The following PRDM6 variants were observed in gnomAD, a reference collection of about 807,000 sequenced individuals.
The protein encoded by PRDM6 is PR/SET domain 6.
PRDM6 carries 25 observed loss-of-function variants against 60.8 expected under a neutral mutation model. The observed-to-expected ratio is 0.41, with a 90% CI of 0.30 to 0.57. The LOEUF is 0.57. Ranked by LOEUF, PRDM6 falls within the 20% of genes least tolerant of loss-of-function variation. The pLI, the probability that PRDM6 is intolerant of heterozygous loss-of-function variation, is 0.27. For synonymous variants in PRDM6, 407 were observed against 357.4 expected (o/e 1.14, Z -1.57); for missense variants, 839 against 821.3 (o/e 1.02, Z -0.26).
Position 123,159,649 on chromosome 5 carries a change from A to G in PRDM6, c.1153+11A>G, listed in dbSNP as rs569421737. The stretch of plus-strand genomic sequence containing the variant: ...CCCAGGATGAAAACTGTAAGAATTT[A>G]TTTTAGCTCTGAATTCACATTTCAA... On this transcript the variant is annotated intron_variant, in intron 5 of 7. Coordinates refer to ENST00000407847, the MANE Select transcript of PRDM6 (RefSeq NM_001136239.4). The G allele has an allele frequency of 1.9e-6, 3 of 1,549,978 alleles. No homozygotes were observed. The Admixed American group carries it at 5.9e-5, about 31-fold the overall frequency.
At chr5:123,177,639 C>T (rs976862044) in intron 6 of PRDM6, among the ~76,000 whole-genome samples, 1 of 152,116 alleles carries the variant, frequency 6.6e-6, no homozygotes, top group African/African-American at 2.4e-5. Flanking sequence ...TAGAAAGCTC[C>T]ATGTATAGGG....
chr5:123,094,771 A>G (rs952721285), intron 2 of PRDM6, among the ~76,000 whole-genome samples: 1 of 152,102 alleles, frequency 6.6e-6, no homozygotes, highest in South Asian at 2.1e-4. Flanking sequence ...CGCATTGTAT[A>G]TGGCAGCCTC....
At chr5:123,107,567 C>G (rs1234068755) in intron 3 of PRDM6, among the ~76,000 whole-genome samples, 1 of 152,174 alleles carries the variant, frequency 6.6e-6, no homozygotes, top group African/African-American at 2.4e-5. Flanking sequence ...ATGCTTAGTA[C>G]AAAGTAACTG....
intron 3 of PRDM6, among the ~76,000 whole-genome samples, chr5:123,102,387 A>G (rs117103265): frequency 1.3e-5 from 2 of 152,172 alleles, no homozygotes; most frequent in South Asian, 4.1e-4. Flanking sequence ...CATTTATAAT[A>G]CAATATTCCA....
chr5:123,160,381 T>C (rs1184754822), intron 5 of PRDM6, among the ~76,000 whole-genome samples: 1 of 152,250 alleles, frequency 6.6e-6, no homozygotes, highest in Non-Finnish European at 1.5e-5. Context: ...AATTAGGTTA[T>C]TCTGATATGC....
At chr5:123,093,818 A>G (rs577438202) in intron 2 of PRDM6, among the ~76,000 whole-genome samples, 22 of 152,080 alleles carry the variant, frequency 1.4e-4, no homozygotes, top group African/African-American at 7.2e-5. Context: ...TCTGAGTAGC[A>G]TCCCGGCTGT....
intron 6 of PRDM6, among the ~76,000 whole-genome samples, chr5:123,177,753 T>C (rs915475442): frequency 1.3e-5 from 2 of 152,156 alleles, no homozygotes; most frequent in African/African-American, 4.8e-5. Context: ...CATTTGTCAA[T>C]TACCTGAAAA....
At chr5:123,112,112 T>G (rs960444788) in intron 3 of PRDM6, among the ~76,000 whole-genome samples, 9 of 151,816 alleles carry the variant, frequency 5.9e-5, no homozygotes, top group Non-Finnish European at 1.3e-4. Context: ...AAACACTGCG[T>G]GTAAACTGCT....
intron 6 of PRDM6, among the ~76,000 whole-genome samples, chr5:123,174,049 C>G (rs1765952800): frequency 6.6e-6 from 1 of 151,962 alleles, no homozygotes; most frequent in South Asian, 2.1e-4. Flanking sequence ...GTTGAGTATC[C>G]CTTGTCCAAA....
chr5:123,108,671 T>C (rs1035787002), intron 3 of PRDM6, among the ~76,000 whole-genome samples: 1 of 152,114 alleles, frequency 6.6e-6, no homozygotes, highest in Non-Finnish European at 1.5e-5. Context: ...AATCTCAAAA[T>C]TAAGCTTAAA....
intron 7 of PRDM6, among the ~76,000 whole-genome samples, chr5:123,186,161 C>G (rs779476864): frequency 5.9e-5 from 9 of 152,192 alleles, no homozygotes; most frequent in Non-Finnish European, 1.0e-4. Context: ...CACAGTTCAT[C>G]TGTGGGTGTG....
At position 123,190,751 on chromosome 5, in the gene PRDM6, G is replaced by T. The variant is rs564026422; in HGVS notation, c.*3550G>T. ...ATTGTTTCATTCATTTATTCAACAA[G>T]TATTTATTGAACTCTTATTTTATAT... On this transcript the variant is annotated 3_prime_UTR_variant, in exon 8 of 8. Coordinates refer to ENST00000407847, the MANE Select transcript of PRDM6 (RefSeq NM_001136239.4). 1 of 152,078 alleles carries T rather than the reference G, an allele frequency of 6.6e-6. No individual in the cohort carries two copies. Among genetic ancestry groups the T allele is most frequent in the Admixed American group, 6.5e-5 (1 of 15,276 alleles). The allele number at this position is 152,078 out of a possible 1,614,324, so 9.4% of individuals were successfully genotyped here.
intron 3 of PRDM6, among the ~76,000 whole-genome samples, chr5:123,112,556 C>T (rs1365593784): frequency 6.6e-6 from 1 of 152,108 alleles, no homozygotes; most frequent in Non-Finnish European, 1.5e-5. Flanking sequence ...TCAATTGCTC[C>T]CCAAAAGCGA....
At chr5:123,174,752 AC>A in intron 6 of PRDM6, among the ~76,000 whole-genome samples, 1 of 152,104 alleles carries the variant, frequency 6.6e-6, no homozygotes, top group African/African-American at 2.4e-5. Context: ...TTTTTTAACC[AC>A]TGTGTTATTC....
intron 3 of PRDM6, among the ~76,000 whole-genome samples, chr5:123,120,702 C>T: frequency 6.6e-6 from 1 of 152,102 alleles, no homozygotes; most frequent in Non-Finnish European, 1.5e-5. Context: ...TAAACATGCC[C>T]TAGTGTAATT....
intron 3 of PRDM6, among the ~76,000 whole-genome samples, chr5:123,109,069 T>G (rs1017977431): frequency 2.6e-5 from 4 of 152,174 alleles, no homozygotes; most frequent in African/African-American, 9.6e-5. Flanking sequence ...ACCAATATCT[T>G]CATATATTTT....
chr5:123,122,379 A>G (rs1764601395), intron 3 of PRDM6, among the ~76,000 whole-genome samples: 1 of 152,122 alleles, frequency 6.6e-6, no homozygotes, highest in African/African-American at 2.4e-5. Flanking sequence ...TTGAAATATA[A>G]TTACCATCTA....
At chr5:123,141,464 C>G (rs1473304750) in intron 3 of PRDM6, among the ~76,000 whole-genome samples, 1 of 152,020 alleles carries the variant, frequency 6.6e-6, no homozygotes, top group Non-Finnish European at 1.5e-5. Flanking sequence ...TCTAGAAATT[C>G]TCTTTTGTAA....
rs372551696 is a variant in PRDM6 at position 123,116,749 on chromosome 5, G to T, written c.900+16788G>T. Among the ~76,000 whole-genome samples the T allele has an allele frequency of 5.3e-5, 8 of 152,258 alleles. No individual in the cohort carries two copies. In the South Asian group the frequency reaches 1.5e-3, roughly 28 times the overall value. ...GGTCAGGCTAGGCTTTGTAAGTTGT[G>T]ATGGAAGTGAAAAAATGACTTCAAA... On this transcript the variant is annotated intron_variant, in intron 3 of 7. Coordinates refer to ENST00000407847, the MANE Select transcript of PRDM6 (RefSeq NM_001136239.4).
Sources: allele counts gnomAD v4.1 joint callset (sites outside exome capture counted in the v4.1 genomes callset), GRCh38; gene constraint gnomAD v4.1.1; transcripts MANE v1.5; gene names NCBI Gene and HGNC (gene_info 2026-07-23, HGNC 2026-07-21).